TAP1: variants seen among roughly 807,000 people sequenced by gnomAD.
The protein encoded by TAP1 is transporter 1, ATP binding cassette subfamily B member, also known as antigen peptide transporter 1.
TAP1 carries 56 observed loss-of-function variants against 79.3 expected under a neutral mutation model. That is an observed-to-expected ratio of 0.71 (90% CI 0.57 to 0.88). The LOEUF (loss-of-function observed/expected upper bound fraction) is 0.88, where lower values mean the gene tolerates loss of function less well. TAP1 is among the 40% of genes least tolerant of loss of function. TAP1 has a pLI of 0.00. For synonymous variants in TAP1, 355 were observed against 401.4 expected, an observed-to-expected ratio of 0.88 and a Z score of 1.38; for missense variants, 737 against 936.3, an observed-to-expected ratio of 0.79 and a Z score of 2.78.
Position 32,845,545 on chromosome 6 carries a change from G to A in TAP1, c.*34C>T, listed in dbSNP as rs1356223446. The A allele has an allele frequency of 6.2e-7, 1 of 1,608,406 alleles. No homozygotes were observed. Among genetic ancestry groups the A allele is most frequent in the Non-Finnish European group, 8.5e-7 (1 of 1,175,858 alleles). ...TCTCCACCACAGAGAGAAGAAAAGG[G>A]AGGGAGATGGAGTGCGCAGGTCTGA... On this transcript the variant is annotated 3_prime_UTR_variant, in exon 11 of 11. Transcript: ENST00000354258. This position sits in a 1 kb window ranked among gnomAD's most constrained non-coding sequence, Gnocchi z 4.5.
chr6:32,853,270 C>G lies in TAP1; in HGVS notation c.367G>C (p.Gly123Arg). 2.5e-6 allele frequency: 4 copies of G among 1,589,488 alleles called. No homozygotes were observed. The highest frequency in any genetic ancestry group is 3.4e-6 in the Non-Finnish European group (4 of 1,167,438). The change falls in exon 1 of 11, where the codon GGG becomes CGG. Residue 123 changes from glycine (G) to arginine (R), a missense_variant. By Grantham distance (125) the Gly-to-Arg change is moderately radical. This residue lies in a region of TAP1 where 406 missense variants were observed against 477.2 expected (regional missense o/e 0.85). Transcript: ENST00000354258. This position sits in a 1 kb window ranked among gnomAD's most constrained non-coding sequence, Gnocchi z 8.3. ...FRELISWGAP[G>R]SADSTRLLHW... is the part of the protein sequence containing the mutation. ...AGTAGCCTGGTGCTATCCGCGGACCCGGGGGCTCCCCATGAGATCAGCTCT... is the reference window on the plus strand; with the variant it reads ...AGTAGCCTGGTGCTATCCGCGGACCGGGGGGCTCCCCATGAGATCAGCTCT...
In TAP1 at chr6:32,853,703, G is replaced by T; in HGVS notation, c.-67C>A. ...TCTCCGCGCCCCGGTGGGGCCTGAA[G>T]CTCCGGGTACCGCCGAGTCCTCCCC... On this transcript the variant is annotated 5_prime_UTR_variant, in exon 1 of 11. Transcript: ENST00000354258. This position sits in a 1 kb window ranked among gnomAD's most constrained non-coding sequence, Gnocchi z 8.3. The T allele has an allele frequency of 6.4e-7, 1 of 1,562,726 alleles. No homozygotes were observed. Among genetic ancestry groups the T allele is most frequent in the Non-Finnish European group, 8.6e-7 (1 of 1,158,146 alleles).
In TAP1 at chr6:32,845,682, A is replaced by C. The variant is rs1770326102; in HGVS notation, c.2144T>G (p.Leu715Arg). The C allele has an allele frequency of 6.2e-7, 1 of 1,613,018 alleles. No individual in the cohort carries two copies. The highest frequency in any genetic ancestry group is 8.5e-7 in the Non-Finnish European group (1 of 1,179,998). ...LVEQADHILF[L>R]EGGAIREGGT... is the part of the protein sequence containing the mutation. ...CCCCTCCCGGATAGCGCCTCCTTCC[A>C]GAAAGAGGATGTGGTCAGCCTGCTC... The change falls in exon 11 of 11, where the codon CTG (leucine) becomes CGG (arginine). Residue 715 changes from leucine (L) to arginine (R), a missense_variant. Leu to Arg is a moderately radical substitution (Grantham distance 102). Transcript: ENST00000354258. This position sits in a 1 kb window ranked among gnomAD's most constrained non-coding sequence, Gnocchi z 4.5.
rs552011501 is a variant in TAP1, at chr6:32,845,806, G to C, written c.2041-21C>G. 2.5e-6 allele frequency: 4 copies of C among 1,603,340 alleles called. No homozygotes were observed. The South Asian group carries it at 3.3e-5, about 13-fold the overall frequency. ...TCCACCTGAGGAAAGACATCGGACC[G>C]TCAGAGCCGGGGACTACCCTCAGCC... is the stretch of plus-strand genomic sequence containing the variant. On this transcript the variant is annotated intron_variant, in intron 10 of 10. Transcript: ENST00000354258. This position sits in a 1 kb window ranked among gnomAD's most constrained non-coding sequence, Gnocchi z 4.5.
In TAP1 at chr6:32,852,359, G is replaced by T. The variant is rs932597829; in HGVS notation, c.713+29C>A. 1.9e-6 allele frequency: 3 copies of T among 1,612,648 alleles called. No homozygotes were observed. The highest frequency in any genetic ancestry group is 2.7e-5 in the African/African-American group (2 of 74,904). ...GCCCCAACTTCCAACTCCCTCATTT[G>T]CAGGGTGCCCCATTTTCAGCCCCCA... On this transcript the variant is annotated intron_variant, in intron 2 of 10. Transcript: ENST00000354258. The surrounding 1 kb of genome is among the most constrained non-coding windows in gnomAD (Gnocchi z 4.8).
intron 5 of TAP1, chr6:32,849,350 A>T: frequency 1.6e-6 from 1 of 612,586 alleles, no homozygotes; most frequent in Non-Finnish European, 2.9e-6. Flanking sequence ...TTGTCTGGGG[A>T]GCATTTTACT....
rs765778590 is a variant in TAP1, at chr6:32,850,304, A to G, written c.1248+16T>C. 26 of 1,613,506 alleles carry G rather than the reference A, an allele frequency of 1.6e-5. No homozygotes were observed. The highest frequency in any genetic ancestry group is 2.2e-5 in the East Asian group (1 of 44,902). On this transcript the variant is annotated intron_variant, in intron 5 of 10. Coordinates refer to ENST00000354258, the MANE Select transcript of TAP1 (RefSeq NM_000593.6). This position sits in a 1 kb window ranked among gnomAD's most constrained non-coding sequence, Gnocchi z 5.5. The stretch of plus-strand genomic sequence containing the variant: ...CTTAAGGACAAGGGAATGGGTATTC[A>G]TCTTCAGGTGCTCACACTAGTGGTC...
At position 32,850,325 on chromosome 6, in the gene TAP1, T is replaced by G. The variant is rs375039826; in HGVS notation, c.1243A>C (p.Thr415Pro). ...ATTCATCTTCAGGTGCTCACACTAG[T>G]GGTCCAGGAGTTGACTGCATAGGCC... is the stretch of plus-strand genomic sequence containing the variant. ...AVAYAVNSWT[T>P]SISGMLLKVG... Residue 415 changes from threonine to proline, a missense_variant, in exon 5 of 11, where the codon ACT becomes CCT. Thr to Pro is a conservative substitution (Grantham distance 38, BLOSUM62 -1). Transcript: ENST00000354258. The surrounding 1 kb of genome is among the most constrained non-coding windows in gnomAD (Gnocchi z 5.5). The G allele has an allele frequency of 1.2e-6, 2 of 1,614,112 alleles. No homozygotes were observed. The highest frequency in any genetic ancestry group is 2.7e-5 in the African/African-American group (2 of 74,950).
chr6:32,847,385 T>C lies in TAP1; in HGVS notation c.1903+128A>G. ...TGAGGATGTCAGGATGAAGAAGCCA[T>C]AGGAGCATGATCTTACAACTTCAAA... On this transcript the variant is annotated intron_variant, in intron 9 of 10. Coordinates refer to ENST00000354258, the MANE Select transcript of TAP1 (RefSeq NM_000593.6). This position sits in a 1 kb window ranked among gnomAD's most constrained non-coding sequence, Gnocchi z 4.7. The C allele has an allele frequency of 1.3e-6, 2 of 1,512,568 alleles. No individual in the cohort carries two copies. Among genetic ancestry groups the C allele is most frequent in the Non-Finnish European group, 1.8e-6 (2 of 1,093,094 alleles). 93.7% of individuals were successfully genotyped at this position (1,512,568 alleles called of 1,614,324 possible). A position where few individuals can be genotyped will look rare whatever the true frequency, so the allele number is the denominator to read the frequency against.
Position 32,845,716 on chromosome 6 carries a change from T to C in TAP1, c.2110A>G (p.Ser704Gly). ...ATGTGGTCAGCCTGCTCCACCAGGC[T>C]GAGGTGCTGGGTGATGAGAAGCACT... ...RSVLLITQHL[S>G]LVEQADHILF... is the part of the protein sequence containing the mutation. Residue 704 changes from serine to glycine, a missense_variant, in exon 11 of 11, where the codon AGC becomes GGC. Ser to Gly is a moderately conservative substitution (Grantham distance 56, BLOSUM62 0). Transcript: ENST00000354258. The surrounding 1 kb of genome is among the most constrained non-coding windows in gnomAD (Gnocchi z 4.5). 6.2e-7 allele frequency: 1 copy of C among 1,612,828 alleles called. No individual in the cohort carries two copies. Among genetic ancestry groups the C allele is most frequent in the Non-Finnish European group, 8.5e-7 (1 of 1,179,826 alleles).
In TAP1 at chr6:32,850,828, T is replaced by G; in HGVS notation, c.1050+116A>C. ...ACAGGGACAGGGTGTTCCATGAAGA[T>G]GGAGAATCAGTAAGGGTGCCAGGAA... On this transcript the variant is annotated intron_variant, in intron 4 of 10. Transcript: ENST00000354258. The surrounding 1 kb of genome is among the most constrained non-coding windows in gnomAD (Gnocchi z 5.5). 2.0e-6 allele frequency: 2 copies of G among 1,007,956 alleles called. No homozygotes were observed. The highest frequency in any genetic ancestry group is 3.2e-6 in the Non-Finnish European group (2 of 634,444). 62.4% of individuals were successfully genotyped at this position (1,007,956 alleles called of 1,614,324 possible). A position where few individuals can be genotyped will look rare whatever the true frequency, so the allele number is the denominator to read the frequency against.
rs748425471 is a variant in TAP1 at position 32,853,224 on chromosome 6, G to A, written c.413C>T (p.Thr138Ile). Residue 138 changes from threonine (T) to isoleucine (I), a missense_variant, in exon 1 of 11, where the codon ACC becomes ATC. Physicochemically the swap from Thr to Ile is moderately conservative, Grantham distance 89. This residue lies in a region of TAP1 where 406 missense variants were observed against 477.2 expected (regional missense o/e 0.85). Coordinates refer to ENST00000354258, the MANE Select transcript of TAP1 (RefSeq NM_000593.6). This position sits in a 1 kb window ranked among gnomAD's most constrained non-coding sequence, Gnocchi z 8.3. ...CGCTGCATAACTGACAACGAAGGCG[G>A]TAGGGTGACTTCCCCAGTGCAGTAG... is the stretch of plus-strand genomic sequence containing the variant. ...TRLLHWGSHP[T>I]AFVVSYAAAL... The A allele has an allele frequency of 6.2e-7, 1 of 1,610,082 alleles. No homozygotes were observed.
At position 32,848,074 on chromosome 6, in the gene TAP1, GT is replaced by G; in HGVS notation, c.1584del (p.Arg529AlafsTer5). ...VLVLQGLTFT[L>X]RPGEVTALVG... ...ACCAGCGCCGTCACCTCGCCAGGGC[GT>G]AGGGTGAATGTCAGCCCCTAGAGGC... On this transcript the variant is annotated frameshift_variant, in exon 8 of 11. Transcript: ENST00000354258. LOFTEE classifies it high-confidence loss of function. 1 of 1,609,208 alleles carries G rather than the reference GT, an allele frequency of 6.2e-7. No homozygotes were observed. Among genetic ancestry groups the G allele is most frequent in the Non-Finnish European group, 8.5e-7 (1 of 1,178,050 alleles).
In TAP1 at chr6:32,852,989, C is replaced by A; in HGVS notation, c.598+50G>T. On this transcript the variant is annotated intron_variant, in intron 1 of 10. Transcript: ENST00000354258. The surrounding 1 kb of genome is among the most constrained non-coding windows in gnomAD (Gnocchi z 4.8). ...ACCTTACTGACAATTACCTTTGATT[C>A]CTGTCCCAGTCCCCTTGTGTCCTCC... The A allele has an allele frequency of 6.4e-7, 1 of 1,560,192 alleles. No individual in the cohort carries two copies.
At chr6:32,849,464 G>A (rs530670917) in intron 5 of TAP1, 24 of 377,168 alleles carry the variant, frequency 6.4e-5, no homozygotes, top group Non-Finnish European at 9.5e-5. Context: ...ACAACCAGTC[G>A]GGCGCAGTGG....
In TAP1 at chr6:32,852,598, T is replaced by C. The variant is rs1031730428; in HGVS notation, c.599-96A>G. On this transcript the variant is annotated intron_variant, in intron 1 of 10. Transcript: ENST00000354258. The surrounding 1 kb of genome is among the most constrained non-coding windows in gnomAD (Gnocchi z 4.8). Reference sequence around the variant, plus strand: ...CACCACGCCTCCTCCCCCTCACCATTATCCTGGAGGGCATCAGCAGAAAGG... The same window carrying C: ...CACCACGCCTCCTCCCCCTCACCATCATCCTGGAGGGCATCAGCAGAAAGG... The C allele has an allele frequency of 1.3e-6, 2 of 1,568,462 alleles. No individual in the cohort carries two copies. Among genetic ancestry groups the C allele is most frequent in the African/African-American group, 2.7e-5 (2 of 73,528 alleles).
chr6:32,853,685 G>T lies in TAP1; in HGVS notation c.-49C>A, dbSNP rs1359344178. On this transcript the variant is annotated 5_prime_UTR_variant, in exon 1 of 11. Transcript: ENST00000354258. The surrounding 1 kb of genome is among the most constrained non-coding windows in gnomAD (Gnocchi z 8.3). Reference sequence around the variant, plus strand: ...CCCGGCCGGGCCTGGGACTCTCCGCGCCCCGGTGGGGCCTGAAGCTCCGGG... The same window carrying T: ...CCCGGCCGGGCCTGGGACTCTCCGCTCCCCGGTGGGGCCTGAAGCTCCGGG... 1.3e-6 allele frequency: 2 copies of T among 1,577,122 alleles called. No homozygotes were observed. The highest frequency in any genetic ancestry group is 1.7e-4 in the Middle Eastern group (1 of 6,010).
In TAP1 at chr6:32,848,000, A is replaced by G; in HGVS notation, c.1659T>C (p.Asn553=). 1.9e-6 allele frequency: 3 copies of G among 1,613,106 alleles called. No homozygotes were observed. The highest frequency in any genetic ancestry group is 2.5e-6 in the Non-Finnish European group (3 of 1,180,034). The stretch of plus-strand genomic sequence containing the variant: ...GCTGTCCCCCGGTGGGCTGGTACAG[A>G]TTCTGCAGCAGGGCAGCCACTGTGC... The part of the protein sequence containing the change: ...GKSTVAALLQ[N]LYQPTGGQLL... Residue 553 remains asparagine (N), a synonymous_variant, in exon 8 of 11, where the codon AAT becomes AAC. Transcript: ENST00000354258. The surrounding 1 kb of genome is among the most constrained non-coding windows in gnomAD (Gnocchi z 4.7).
At chr6:32,849,888 A>G in intron 5 of TAP1, 1 of 225,738 alleles carries the variant, frequency 4.4e-6, no homozygotes, top group South Asian at 7.6e-5. Flanking sequence ...GGATCTTCGG[A>G]TCACTGGCGT....
Sources: allele counts gnomAD v4.1 joint callset, GRCh38; gene constraint gnomAD v4.1.1; regional missense constraint gnomAD v4.1.1; non-coding constraint Gnocchi (gnomAD v3.1); transcripts MANE v1.5; gene names NCBI Gene and HGNC (gene_info 2026-07-23, HGNC 2026-07-21).